GPC5: variants seen among roughly 807,000 people sequenced by gnomAD.
The protein encoded by GPC5 is glypican-5.
A neutral mutation model predicts 53.9 loss-of-function variants in GPC5; 47 were observed. That is an observed-to-expected ratio of 0.87 (90% CI 0.69 to 1.11). GPC5 has a LOEUF of 1.11. Among genes scored for constraint, GPC5 ranks in the 50% most tolerant of loss-of-function variants. The pLI is 0.00. For missense variants in GPC5, 748 were observed against 713.1 expected (o/e 1.05, Z -0.56); for synonymous variants, 286 against 263.3 (o/e 1.09, Z -0.84).
chr13:91,660,800 C>G (rs1373363010), intron 2 of GPC5, among the ~76,000 whole-genome samples: 1 of 152,098 alleles, frequency 6.6e-6, no homozygotes, highest in Non-Finnish European at 1.5e-5. Flanking sequence ...AAAGTTAAGT[C>G]ACTACTCCTT....
chr13:92,205,148 G>A (rs1288611721), intron 7 of GPC5, among the ~76,000 whole-genome samples: 1 of 149,616 alleles, frequency 6.7e-6, no homozygotes, highest in African/African-American at 2.4e-5. Flanking sequence ...AGAGTGCTGG[G>A]ATTACAGGCC....
intron 7 of GPC5, among the ~76,000 whole-genome samples, chr13:92,425,144 G>A (rs894073057): frequency 5.3e-5 from 8 of 151,858 alleles, no homozygotes; most frequent in African/African-American, 1.9e-4. Context: ...CTCCATTGAT[G>A]CCTTTTTTCA....
chr13:92,073,267 A>G (rs2041227442), intron 6 of GPC5, among the ~76,000 whole-genome samples: 1 of 152,266 alleles, frequency 6.6e-6, no homozygotes. Flanking sequence ...TCATAACTAT[A>G]GAAAGATGTA....
intron 7 of GPC5, among the ~76,000 whole-genome samples, chr13:92,212,963 T>A (rs1417130921): frequency 6.6e-6 from 1 of 152,186 alleles, no homozygotes; most frequent in African/African-American, 2.4e-5. Context: ...AGCCAGTCAA[T>A]GACAGACAAG....
intron 6 of GPC5, among the ~76,000 whole-genome samples, chr13:92,041,741 C>T (rs1311182978): frequency 2.0e-5 from 3 of 152,220 alleles, no homozygotes; most frequent in Non-Finnish European, 4.4e-5. Flanking sequence ...AAGGTGCCAG[C>T]TCCCACAGTG....
intron 7 of GPC5, among the ~76,000 whole-genome samples, chr13:92,737,460 G>T (rs553664387): frequency 1.3e-5 from 2 of 151,982 alleles, no homozygotes; most frequent in Non-Finnish European, 2.9e-5. Flanking sequence ...TGTAAATTGT[G>T]CCTTAAATAG....
intron 3 of GPC5, among the ~76,000 whole-genome samples, chr13:91,704,675 C>T (rs918641819): frequency 2.6e-5 from 4 of 152,226 alleles, no homozygotes; most frequent in Non-Finnish European, 5.9e-5. Context: ...ACAAGGAAAA[C>T]AGTGCCTCTC....
At chr13:92,477,053 AT>A (rs1879176826) in intron 7 of GPC5, among the ~76,000 whole-genome samples, 1 of 55,676 alleles carries the variant, frequency 1.8e-5, no homozygotes, top group African/African-American at 1.3e-4. Flanking sequence ...ATAATAAAAA[AT>A]AAATAAATAA....
chr13:92,117,188 T>G (rs1379286522), intron 6 of GPC5, among the ~76,000 whole-genome samples: 1 of 152,216 alleles, frequency 6.6e-6, no homozygotes, highest in Non-Finnish European at 1.5e-5. Flanking sequence ...ATGTAAAATA[T>G]CAGCTGAGAT....
intron 7 of GPC5, among the ~76,000 whole-genome samples, chr13:92,728,208 C>G (rs1457886065): frequency 1.3e-5 from 2 of 151,432 alleles, no homozygotes; most frequent in African/African-American, 4.8e-5. Context: ...ATTATGAAGT[C>G]AAAGACAGTT....
intron 6 of GPC5, among the ~76,000 whole-genome samples, chr13:92,051,942 G>A (rs2041033100): frequency 6.6e-6 from 1 of 152,162 alleles, no homozygotes; most frequent in Admixed American, 6.5e-5. Context: ...GTGAGGGAAT[G>A]CTTTTATAGT....
intron 7 of GPC5, among the ~76,000 whole-genome samples, chr13:92,753,579 T>A (rs531003946): frequency 5.9e-5 from 9 of 152,140 alleles, no homozygotes; most frequent in African/African-American, 2.2e-4. Context: ...TTGAAAACTT[T>A]GAAAAAAATT....
At chr13:92,510,687 A>T (rs1270275763) in intron 7 of GPC5, among the ~76,000 whole-genome samples, 1 of 152,194 alleles carries the variant, frequency 6.6e-6, no homozygotes, top group Admixed American at 6.5e-5. Context: ...GTTACTTTAG[A>T]TGGAGCCACG....
chr13:91,798,103 G>A (rs1358314119), intron 5 of GPC5, among the ~76,000 whole-genome samples: 1 of 152,030 alleles, frequency 6.6e-6, no homozygotes. Context: ...GCCCAGGAAG[G>A]GAAATAAGAT....
chr13:92,141,923 G>A (rs545780516), intron 6 of GPC5, among the ~76,000 whole-genome samples: 3 of 152,208 alleles, frequency 2.0e-5, no homozygotes, highest in Non-Finnish European at 2.9e-5. Context: ...TAGGACCTTT[G>A]ATAGGCCCTA....
intron 7 of GPC5, among the ~76,000 whole-genome samples, chr13:92,663,737 CTAT>C (rs1886443615): frequency 1.2e-5 from 1 of 81,682 alleles, no homozygotes. Flanking sequence ...AATATATCTA[CTAT>C]ATATATCTCT....
intron 2 of GPC5, among the ~76,000 whole-genome samples, chr13:91,478,167 A>T (rs1044624507): frequency 2.0e-5 from 3 of 151,990 alleles, no homozygotes; most frequent in Non-Finnish European, 2.9e-5. Flanking sequence ...ATAAAACTTT[A>T]AAAAAAAGTT....
At chr13:91,977,852 C>T (rs2040318300) in intron 6 of GPC5, among the ~76,000 whole-genome samples, 1 of 151,794 alleles carries the variant, frequency 6.6e-6, no homozygotes, top group Non-Finnish European at 1.5e-5. Flanking sequence ...TGGATCATGC[C>T]TGTAATCTCG....
chr13:91,847,951 T>A (rs1197676092), intron 5 of GPC5, among the ~76,000 whole-genome samples: 1 of 152,196 alleles, frequency 6.6e-6, no homozygotes. Flanking sequence ...TTGGAAAAGA[T>A]CATTGTAGTT....
Sources: gnomAD v4.1 joint callset for allele counts (sites outside exome capture counted in the v4.1 genomes callset) on GRCh38, gnomAD v4.1.1 for gene constraint, MANE v1.5 for transcripts, NCBI Gene and HGNC (gene_info 2026-07-23, HGNC 2026-07-21) for gene names.